Variants in ADAM32 observed in about 807,000 individuals in gnomAD.
The protein encoded by ADAM32 is ADAM metallopeptidase domain 32, also known as disintegrin and metalloproteinase domain-containing protein 32.
Under a neutral mutation model 114.9 loss-of-function variants are expected in ADAM32, and 89 were observed. The observed-to-expected ratio is 0.77, with a 90% CI of 0.65 to 0.92. ADAM32 has a LOEUF of 0.92. Ranked by LOEUF, ADAM32 falls within the 40% of genes least tolerant of loss-of-function variation. ADAM32 has a pLI of 0.00. For synonymous variants in ADAM32, 285 were observed against 307.5 expected (o/e 0.93, Z 0.77); for missense variants, 870 against 932.8 (o/e 0.93, Z 0.88).
At chr8:39,153,314 A>G (rs1367002440) in intron 6 of ADAM32, among the ~76,000 whole-genome samples, 2 of 152,152 alleles carry the variant, frequency 1.3e-5, no homozygotes, top group African/African-American at 4.8e-5. Context: ...AATGACTGAG[A>G]TGACCCAGTG....
At chr8:39,182,754 T>C (rs1044779678) in intron 10 of ADAM32, among the ~76,000 whole-genome samples, 3 of 152,224 alleles carry the variant, frequency 2.0e-5, no homozygotes, top group African/African-American at 7.2e-5. Flanking sequence ...TATTAGTTTC[T>C]TTCTGTGATG....
At chr8:39,124,173 C>T (rs1240186633) in intron 2 of ADAM32, among the ~76,000 whole-genome samples, 1 of 152,062 alleles carries the variant, frequency 6.6e-6, no homozygotes, top group African/African-American at 2.4e-5. Flanking sequence ...CTAATGCTCT[C>T]CCTCCCCCAG....
At chr8:39,114,303 G>A (rs1840286208) in intron 1 of ADAM32, among the ~76,000 whole-genome samples, 1 of 152,130 alleles carries the variant, frequency 6.6e-6, no homozygotes, top group Admixed American at 6.5e-5. Flanking sequence ...AGTCTGCAGG[G>A]GAAGATTCGC....
At chr8:39,215,436 T>A (rs1036770604) in intron 12 of ADAM32, among the ~76,000 whole-genome samples, 1 of 152,018 alleles carries the variant, frequency 6.6e-6, no homozygotes, top group Non-Finnish European at 1.5e-5. Context: ...TTTATAGTTA[T>A]TGTAAATGGG....
chr8:39,186,796 T>G lies in ADAM32; in HGVS notation c.916-113T>G, dbSNP rs75615305. The G allele has an allele frequency of 7.4e-5, 66 of 893,396 alleles. No homozygotes were observed. The African/African-American group carries it at 8.4e-4, about 11-fold the overall frequency. 55.3% of individuals were successfully genotyped at this position (893,396 alleles called of 1,614,324 possible). On this transcript the variant is annotated intron_variant, in intron 10 of 24. Coordinates refer to ENST00000379907, the MANE Select transcript of ADAM32 (RefSeq NM_145004.7). ...TCTCACCTGTTCAAGGATCCATATC[T>G]CCCTAATTCTTTAGCATTTGATAAA...
intron 12 of ADAM32, 50 bp from the exon 13 acceptor site, chr8:39,221,560 T>C: frequency 7.0e-7 from 1 of 1,421,338 alleles, no homozygotes; most frequent in Non-Finnish European, 9.8e-7. Context: ...TAGTAAAGAT[T>C]TTACTATTGT....
chr8:39,167,986 C>T (rs1451554884), intron 9 of ADAM32: 2 of 152,112 alleles, frequency 1.3e-5, no homozygotes, highest in Admixed American at 6.6e-5. Flanking sequence ...CATCACCAAA[C>T]GTGACAGTTT....
intron 9 of ADAM32, chr8:39,167,945 T>G (rs1164908619): frequency 6.6e-6 from 1 of 151,970 alleles, no homozygotes; most frequent in Non-Finnish European, 1.5e-5. Context: ...TCTGGAGGAG[T>G]CTTTAGCATT....
chr8:39,198,871 T>G (rs1010760252), intron 11 of ADAM32, among the ~76,000 whole-genome samples: 1 of 152,218 alleles, frequency 6.6e-6, no homozygotes. Context: ...TTTAGGATTC[T>G]CTTAAGCATT....
At chr8:39,246,520 A>G (rs1810936854) in intron 17 of ADAM32, among the ~76,000 whole-genome samples, 2 of 152,146 alleles carry the variant, frequency 1.3e-5, no homozygotes, top group Non-Finnish European at 2.9e-5. Flanking sequence ...TGTTTTATTT[A>G]TCTACTTTTA....
At chr8:39,201,975 G>A (rs1273216724) in intron 11 of ADAM32, among the ~76,000 whole-genome samples, 3 of 152,202 alleles carry the variant, frequency 2.0e-5, no homozygotes, top group Non-Finnish European at 2.9e-5. Flanking sequence ...CAGGGATGAA[G>A]CCCACTTGAT....
intron 10 of ADAM32, among the ~76,000 whole-genome samples, chr8:39,176,759 A>G (rs1456059334): frequency 6.6e-6 from 1 of 152,058 alleles, no homozygotes; most frequent in East Asian, 1.9e-4. Context: ...TTCTGTCTCA[A>G]TGATTTGTCT....
intron 12 of ADAM32, among the ~76,000 whole-genome samples, chr8:39,212,145 T>C (rs1157608098): frequency 6.6e-6 from 1 of 152,120 alleles, no homozygotes; most frequent in African/African-American, 2.4e-5. Context: ...GCCTCCCAAG[T>C]AGCTGGGATT....
At chr8:39,222,903 T>C (rs1809080618) in intron 13 of ADAM32, 137 bp from the exon 14 acceptor site, 2 of 592,766 alleles carry the variant, frequency 3.4e-6, no homozygotes, top group East Asian at 3.3e-5. Flanking sequence ...ATTAGCATAG[T>C]AATTTGTACA....
At chr8:39,142,643 C>CT (rs1803236472) in intron 3 of ADAM32, among the ~76,000 whole-genome samples, 1 of 152,104 alleles carries the variant, frequency 6.6e-6, no homozygotes, top group African/African-American at 2.4e-5. Flanking sequence ...ACATTTTTTC[C>CT]TTCATTCCAA....
chr8:39,138,428 G>C (rs1802938004), intron 3 of ADAM32, among the ~76,000 whole-genome samples: 2 of 152,042 alleles, frequency 1.3e-5, no homozygotes, highest in Non-Finnish European at 2.9e-5. Context: ...GCGGTGTTTG[G>C]TTTTCTGTCC....
chr8:39,253,819 A>G (rs1811459827), intron 17 of ADAM32, among the ~76,000 whole-genome samples: 1 of 151,660 alleles, frequency 6.6e-6, no homozygotes, highest in Admixed American at 6.6e-5. Context: ...ATATTGTTAA[A>G]CTATCCCTAA....
intron 6 of ADAM32, among the ~76,000 whole-genome samples, chr8:39,154,644 A>G (rs1405549063): frequency 6.6e-6 from 1 of 152,280 alleles, no homozygotes; most frequent in African/African-American, 2.4e-5. Flanking sequence ...GAACTAATTT[A>G]CACTCCCACC....
intron 11 of ADAM32, among the ~76,000 whole-genome samples, chr8:39,210,493 G>A (rs1022774990): frequency 2.0e-5 from 3 of 152,100 alleles, no homozygotes; most frequent in African/African-American, 7.2e-5. Context: ...TCTATCCCGT[G>A]CTCTTACTCT....
Sources: gnomAD v4.1 joint callset for allele counts (sites outside exome capture counted in the v4.1 genomes callset) on GRCh38, gnomAD v4.1.1 for gene constraint, MANE v1.5 for transcripts, NCBI Gene and HGNC (gene_info 2026-07-23, HGNC 2026-07-21) for gene names.